SPNS3: variants seen among roughly 807,000 people sequenced by gnomAD.
SPNS3 encodes the protein SPNS lysolipid transporter 3, sphingosine-1-phosphate (putative).
A neutral mutation model predicts 54.4 loss-of-function variants in SPNS3; 51 were observed. That is an observed-to-expected ratio of 0.94 (90% CI 0.75 to 1.18). SPNS3 has a LOEUF of 1.18. SPNS3 is among the 50% of genes most tolerant of loss of function. The pLI is 0.00. For synonymous variants in SPNS3, 309 were observed against 294.7 expected, an observed-to-expected ratio of 1.05 and a Z score of -0.50; for missense variants, 669 against 677.4, an observed-to-expected ratio of 0.99 and a Z score of 0.14.
chr17:4,474,339 C>T (rs967265675), intron 8 of SPNS3, among the ~76,000 whole-genome samples: 3 of 152,186 alleles, frequency 2.0e-5, no homozygotes, highest in Non-Finnish European at 4.4e-5. Context: ...AGCTTGCTGG[C>T]GGCTGGTCTG....
intron 8 of SPNS3, among the ~76,000 whole-genome samples, chr17:4,468,721 T>TTTTCTTTCTTTTTCTTTC (rs1971755578): frequency 8.2e-6 from 1 of 121,372 alleles, no homozygotes; most frequent in Non-Finnish European, 1.7e-5. Flanking sequence ...TCTCTCTTTC[T>TTTTCTTTCTTTTTCTTTC]TTTCTTTCTT....
At chr17:4,479,964 A>G (rs1309557443) in intron 9 of SPNS3, among the ~76,000 whole-genome samples, 2 of 152,236 alleles carry the variant, frequency 1.3e-5, no homozygotes, top group Non-Finnish European at 2.9e-5. Context: ...CTCATTTTCT[A>G]TCCCCCAAAG....
At chr17:4,447,725 G>A (rs1971036524) in intron 5 of SPNS3, among the ~76,000 whole-genome samples, 1 of 152,186 alleles carries the variant, frequency 6.6e-6, no homozygotes, top group Admixed American at 6.5e-5. Context: ...CTTGGGGTTT[G>A]AGCAGAGGGG....
At position 4,455,264 on chromosome 17, in the gene SPNS3, G is replaced by T. The variant is rs2144080505; in HGVS notation, c.1113+2059G>T. On this transcript the variant is annotated intron_variant, in intron 8 of 11. Coordinates refer to ENST00000355530, the MANE Select transcript of SPNS3 (RefSeq NM_182538.5). The stretch of plus-strand genomic sequence containing the variant: ...GAAAACTGCCTTGGGAAGAGGCAGG[G>T]CTGTCGTCCGGTTTTGTTCTCCTTG... Among the ~76,000 whole-genome samples, 4 of 152,280 alleles carry T rather than the reference G, an allele frequency of 2.6e-5. No individual in the cohort carries two copies. In the South Asian group the frequency reaches 8.3e-4, roughly 32 times the overall value.
intron 11 of SPNS3, among the ~76,000 whole-genome samples, chr17:4,487,231 A>T (rs551099899): frequency 5.3e-4 from 80 of 151,128 alleles, no homozygotes; most frequent in African/African-American, 1.6e-3. Flanking sequence ...CCCACTGCAC[A>T]GGCGAAACTA....
intron 8 of SPNS3, 84 bp downstream of exon 8, chr17:4,453,289 T>C (rs1971219252): frequency 7.7e-6 from 10 of 1,303,732 alleles, no homozygotes; most frequent in Non-Finnish European, 9.6e-6. Context: ...GCGCCCGGCC[T>C]TTATGTACAA....
intron 8 of SPNS3, among the ~76,000 whole-genome samples, chr17:4,473,571 A>G (rs181443611): frequency 2.0e-5 from 3 of 151,834 alleles, no homozygotes; most frequent in Non-Finnish European, 4.4e-5. Context: ...TATTTTTAGT[A>G]GAGAAGGGGT....
intron 3 of SPNS3, among the ~76,000 whole-genome samples, chr17:4,445,437 G>A (rs986367988): frequency 5.3e-5 from 8 of 151,408 alleles, no homozygotes; most frequent in African/African-American, 1.2e-4. Context: ...GTGCAATGGC[G>A]TGATCTCGAC....
At chr17:4,476,840 C>G (rs1000005581) in intron 8 of SPNS3, among the ~76,000 whole-genome samples, 1 of 152,196 alleles carries the variant, frequency 6.6e-6, no homozygotes, top group African/African-American at 2.4e-5. Flanking sequence ...TGCTGGGACT[C>G]CTTGGCTGGT....
intron 9 of SPNS3, among the ~76,000 whole-genome samples, chr17:4,481,075 C>T (rs1049333987): frequency 6.0e-4 from 91 of 151,934 alleles, no homozygotes; most frequent in African/African-American, 2.0e-3. Flanking sequence ...AGCAGGACAC[C>T]GAGGGTAGAC....
At position 4,457,211 on chromosome 17, in the gene SPNS3, G is replaced by A. The variant is rs369551487; in HGVS notation, c.1113+4006G>A. ...GTTAGAGACCAGCCTGGACAATGTA[G>A]CAAGACCCTGTCTCTACAGAAAATT... On this transcript the variant is annotated intron_variant, in intron 8 of 11. Transcript: ENST00000355530. Among the ~76,000 whole-genome samples, 8 of 152,330 alleles carry A rather than the reference G, an allele frequency of 5.3e-5. No homozygotes were observed. The East Asian group carries it at 7.7e-4, about 15-fold the overall frequency.
chr17:4,457,129 C>T (rs78413523), intron 8 of SPNS3, among the ~76,000 whole-genome samples: 24,228 of 152,148 alleles, frequency 0.16, 1,959 homozygotes, highest in Middle Eastern at 0.23. Context: ...CAGTGGCTGA[C>T]GTCTGGAATC....
At position 4,446,951 on chromosome 17, in the gene SPNS3, T is replaced by G; in HGVS notation, c.610T>G (p.Trp204Gly). 6.2e-7 allele frequency: 1 copy of G among 1,614,168 alleles called. No homozygotes were observed. ...GACGATGCTGACTGGGAACTGGCGC[T>G]GGGCCCTCCGAGTGAGTCCAGCTTC... ...AVTMLTGNWRWALRVMPCLEA... is the reference protein window; with the variant it reads ...AVTMLTGNWRGALRVMPCLEA... The change falls in exon 5 of 12, where the codon TGG becomes GGG. Residue 204 changes from tryptophan (W) to glycine (G), a missense_variant. Physicochemically the swap from Trp to Gly is radical, Grantham distance 184 (BLOSUM62 -2). Transcript: ENST00000355530.
intron 9 of SPNS3, among the ~76,000 whole-genome samples, chr17:4,484,659 A>G (rs1972261327): frequency 6.6e-6 from 1 of 152,088 alleles, no homozygotes; most frequent in Non-Finnish European, 1.5e-5. Flanking sequence ...ATGGACACCT[A>G]GGTCTTGGGG....
chr17:4,449,323 G>C lies in SPNS3; in HGVS notation c.859G>C (p.Glu287Gln). The stretch of plus-strand genomic sequence containing the variant: ...GTTCTGGGCCCCCAAGTTTCTGCTC[G>C]AGGCACGCGTGGTTCACGGGCTGCA... The part of the protein sequence containing the change: ...LGFWAPKFLL[E>Q]ARVVHGLQPP... Residue 287 changes from glutamate (E) to glutamine (Q), a missense_variant, in exon 7 of 12, where the codon GAG becomes CAG. Transcript: ENST00000355530. 1 of 1,611,956 alleles carries C rather than the reference G, an allele frequency of 6.2e-7. No individual in the cohort carries two copies. The highest frequency in any genetic ancestry group is 8.5e-7 in the Non-Finnish European group (1 of 1,179,898).
At chr17:4,457,355 G>A (rs532981304) in intron 8 of SPNS3, among the ~76,000 whole-genome samples, 3 of 152,296 alleles carry the variant, frequency 2.0e-5, no homozygotes, top group South Asian at 4.1e-4. Flanking sequence ...TCATGCCACT[G>A]CACTCCAGCC....
intron 7 of SPNS3, 48 bp from the exon 8 acceptor site, chr17:4,452,968 T>G: frequency 1.3e-6 from 2 of 1,571,638 alleles, no homozygotes; most frequent in Admixed American, 1.7e-5. Flanking sequence ...AGAGTCCCTA[T>G]GCTAAGCTCA....
intron 8 of SPNS3, among the ~76,000 whole-genome samples, chr17:4,468,495 A>AG (rs1971745406): frequency 2.0e-5 from 3 of 151,722 alleles, no homozygotes; most frequent in African/African-American, 7.3e-5. Context: ...AAAGAAAGGA[A>AG]GGAGTCCAGG....
chr17:4,466,776 CG>C (rs1239742738), intron 8 of SPNS3, among the ~76,000 whole-genome samples: 11 of 152,112 alleles, frequency 7.2e-5, no homozygotes, highest in Non-Finnish European at 1.2e-4. Context: ...ACATGGGAGG[CG>C]GAGGTTGCAG....
Sources: allele counts gnomAD v4.1 joint callset (sites outside exome capture counted in the v4.1 genomes callset), GRCh38; gene constraint gnomAD v4.1.1; transcripts MANE v1.5; gene names NCBI Gene and HGNC (gene_info 2026-07-23, HGNC 2026-07-21).